The following PALB2 variants were observed in gnomAD, a reference collection of about 807,000 sequenced individuals.
The protein encoded by PALB2 is mutant partner and localizer of BRCA2.
In PALB2, 82 loss-of-function variants were observed where a neutral mutation model predicts 107.4. The ratio of observed to expected loss-of-function variants is 0.76; its 90% CI spans 0.64 to 0.92. The LOEUF (loss-of-function observed/expected upper bound fraction) is 0.92. PALB2 is among the 40% of genes least tolerant of loss of function. The pLI is 0.00. For synonymous variants in PALB2, 489 were observed against 496.8 expected (o/e 0.98, Z 0.21); for missense variants, 1,374 against 1,379.9 (o/e 1.00, Z 0.07).
At chr16:23,640,995 G>T in intron 1 of PALB2, 115 bp downstream of exon 1, 2 of 1,167,816 alleles carry the variant, frequency 1.7e-6, no homozygotes, top group East Asian at 2.6e-5. Context: ...CCTAAGAGGA[G>T]GGGGTGGTCA....
At chr16:23,641,016 C>T in intron 1 of PALB2, 94 bp downstream of exon 1, 1 of 1,412,568 alleles carries the variant, frequency 7.1e-7, no homozygotes, top group East Asian at 2.4e-5. Context: ...GATGATACTG[C>T]TGCCCTCGGA....
At chr16:23,618,982 G>A (rs1226272347) in intron 10 of PALB2, among the ~76,000 whole-genome samples, 1 of 152,160 alleles carries the variant, frequency 6.6e-6, no homozygotes, top group East Asian at 1.9e-4. Context: ...AGGGCACAAC[G>A]TTTCTCTCAA....
At chr16:23,622,237 G>C (rs987016343) in intron 9 of PALB2, among the ~76,000 whole-genome samples, 2 of 152,184 alleles carry the variant, frequency 1.3e-5, no homozygotes, top group Admixed American at 6.5e-5. Context: ...AAATAGGCCT[G>C]CAGGTCTAGA....
intron 1 of PALB2, among the ~76,000 whole-genome samples, chr16:23,638,899 A>G (rs1387153466): frequency 6.6e-6 from 1 of 152,160 alleles, no homozygotes; most frequent in Non-Finnish European, 1.5e-5. Context: ...GGGAACCACA[A>G]ATATAAAAGC....
intron 12 of PALB2, among the ~76,000 whole-genome samples, chr16:23,605,209 C>G (rs1166696372): frequency 6.6e-6 from 1 of 152,118 alleles, no homozygotes; most frequent in Non-Finnish European, 1.5e-5. Flanking sequence ...CTTTGCGTAC[C>G]TAACTCCTAA....
At chr16:23,638,413 C>T (rs1312469422) in intron 1 of PALB2, 2 of 500,290 alleles carry the variant, frequency 4.0e-6, no homozygotes, top group East Asian at 3.9e-5. Context: ...AGGTCCTTCT[C>T]CAAATCTAGG....
At chr16:23,603,709 C>T (rs760011136) in intron 12 of PALB2, 40 bp from the exon 13 acceptor site, 1 of 1,509,862 alleles carries the variant, frequency 6.6e-7, no homozygotes, top group Non-Finnish European at 9.0e-7. Flanking sequence ...GATTACATAT[C>T]CAAAAAACAA....
At position 23,635,885 on chromosome 16, in the gene PALB2, C is replaced by T. The variant is rs1060502773; in HGVS notation, c.661G>A (p.Val221Ile). The change falls in exon 4 of 13, where the codon GTA (valine) becomes ATA (isoleucine). Residue 221 changes from valine (V) to isoleucine (I), a missense_variant. Transcript: ENST00000261584. ...GGTTGGGCAGTTGGTGGAATTAATA[C>T]ACTGTCTTCATTAATTTCTGTAACT... ...EPVTEINEDSVLIPPTAQPEK... is the reference protein window; with the variant it reads ...EPVTEINEDSILIPPTAQPEK... 3.1e-6 allele frequency: 5 copies of T among 1,614,000 alleles called. No homozygotes were observed. The East Asian group carries it at 8.9e-5, about 29-fold the overall frequency.
At chr16:23,630,985 C>T (rs538030413) in intron 4 of PALB2, among the ~76,000 whole-genome samples, 25 of 151,222 alleles carry the variant, frequency 1.7e-4, no homozygotes, top group African/African-American at 6.1e-4. Context: ...AAAATAAGGC[C>T]AGGCATGGTG....
In PALB2 at chr16:23,614,607, G is replaced by T. The variant is rs371377403; in HGVS notation, c.3114-516C>A. 4.9e-5 allele frequency among the ~76,000 whole-genome samples: 7 copies of T among 143,896 alleles called. No individual in the cohort carries two copies. The East Asian group carries it at 1.5e-3, about 31-fold the overall frequency. 94.4% of individuals were successfully genotyped at this position (143,896 alleles called of 152,430 possible). ...GTAGGAAGAGAGGGGTGAATATAAA[G>T]AAGAAAAAAGATAAAGTTTGTTGGA... On this transcript the variant is annotated intron_variant, in intron 10 of 12. Transcript: ENST00000261584.
chr16:23,616,428 G>GAC (rs1300892700), intron 10 of PALB2, among the ~76,000 whole-genome samples: 1 of 152,178 alleles, frequency 6.6e-6, no homozygotes, highest in Non-Finnish European at 1.5e-5. Context: ...TCCTATCAGG[G>GAC]ACACCAGATG....
rs775283927 is a variant in PALB2, at chr16:23,630,231, T to C, written c.1923A>G (p.Lys641=). The part of the protein sequence containing the change: ...SEKPVEPFES[K]MFGERHLKEG... ...CTTTAAGATGTCTCTCTCCAAACAT[T>C]TTTGACTCAAAGGGCTCCACTGGTT... The change falls in exon 5 of 13, where the codon AAA becomes AAG. Residue 641 remains lysine, a synonymous_variant. Transcript: ENST00000261584. The C allele has an allele frequency of 1.2e-5, 20 of 1,614,198 alleles. No homozygotes were observed. The Middle Eastern group carries it at 9.9e-4, about 80-fold the overall frequency.
rs1567206753 is a variant in PALB2 at position 23,607,872 on chromosome 16, C to G, written c.3342G>C (p.Gln1114His). 3.7e-6 allele frequency: 6 copies of G among 1,613,934 alleles called. No homozygotes were observed. The highest frequency in any genetic ancestry group is 4.2e-6 in the Non-Finnish European group (5 of 1,179,946). Residue 1114 changes from glutamine to histidine, a missense_variant, in exon 12 of 13, where the codon CAG becomes CAC. Gln to His is a conservative substitution (Grantham distance 24). Coordinates refer to ENST00000261584, the MANE Select transcript of PALB2 (RefSeq NM_024675.4). ...CAGTTATGCACACTTGCCTGCCAGC[C>G]TGCCCTGGAGGAAGACAGTACAGCA... ...GVMLYCLPPG[Q>H]AGRFLEGDVK...
chr16:23,636,033 C>A lies in PALB2; in HGVS notation c.513G>T (p.Leu171Phe), dbSNP rs1251724216. 6.2e-7 allele frequency: 1 copy of A among 1,613,996 alleles called. No homozygotes were observed. Among genetic ancestry groups the A allele is most frequent in the Non-Finnish European group, 8.5e-7 (1 of 1,180,024 alleles). ...CCTGTTCCTTTAGTCTTTTCCCAGA[C>A]AATCTGAGTGAATCAGTGCCAAAGA... ...DCVFGTDSLR[L>F]SGKRLKEQEE... The change falls in exon 4 of 13, where the codon TTG (leucine) becomes TTT (phenylalanine). Residue 171 changes from leucine to phenylalanine, a missense_variant. Coordinates refer to ENST00000261584, the MANE Select transcript of PALB2 (RefSeq NM_024675.4).
chr16:23,631,931 C>G (rs1384716528), intron 4 of PALB2, among the ~76,000 whole-genome samples: 1 of 152,202 alleles, frequency 6.6e-6, no homozygotes, highest in African/African-American at 2.4e-5. Flanking sequence ...ACTGCAACCT[C>G]TGCCTCCCAG....
At chr16:23,630,862 T>C (rs529501347) in intron 4 of PALB2, among the ~76,000 whole-genome samples, 1 of 152,092 alleles carries the variant, frequency 6.6e-6, no homozygotes, top group South Asian at 2.1e-4. Context: ...GTAATCCTAG[T>C]ACTTTCAGAG....
intron 6 of PALB2, among the ~76,000 whole-genome samples, chr16:23,627,886 C>T (rs1966849505): frequency 6.6e-6 from 1 of 152,138 alleles, no homozygotes; most frequent in South Asian, 2.1e-4. Flanking sequence ...TTTTTACCTA[C>T]ACATTTGAAA....
At chr16:23,634,407 T>C (rs1259477180) in intron 4 of PALB2, among the ~76,000 whole-genome samples, 2 of 152,104 alleles carry the variant, frequency 1.3e-5, no homozygotes, top group Non-Finnish European at 2.9e-5. Flanking sequence ...CCCAGCACTT[T>C]GAGAGGCTGT....
At position 23,635,807 on chromosome 16, in the gene PALB2, T is replaced by C. The variant is rs786203040; in HGVS notation, c.739A>G (p.Thr247Ala). The C allele has an allele frequency of 6.8e-6, 11 of 1,614,076 alleles. No individual in the cohort carries two copies. The highest frequency in any genetic ancestry group is 2.2e-5 in the East Asian group (1 of 44,890). ...LRRPNFTRAT[T>A]VPLQTLSDSG... Reference sequence around the variant, plus strand: ...TCTGATAGAGTCTGTAAAGGAACTGTAGTCGCCCTGGTGAAATTAGGTCTT... The same window carrying C: ...TCTGATAGAGTCTGTAAAGGAACTGCAGTCGCCCTGGTGAAATTAGGTCTT... The change falls in exon 4 of 13, where the codon ACA (threonine) becomes GCA (alanine). Residue 247 changes from threonine to alanine, a missense_variant. Coordinates refer to ENST00000261584, the MANE Select transcript of PALB2 (RefSeq NM_024675.4).
Sources: allele counts gnomAD v4.1 joint callset (sites outside exome capture counted in the v4.1 genomes callset), GRCh38; gene constraint gnomAD v4.1.1; transcripts MANE v1.5; gene names NCBI Gene and HGNC (gene_info 2026-07-23, HGNC 2026-07-21).